SLC49A4: variants seen among roughly 807,000 people sequenced by gnomAD.
The protein encoded by SLC49A4 is disrupted in renal cancer protein 2.
SLC49A4 carries 36 observed loss-of-function variants against 50.6 expected under a neutral mutation model. The ratio of observed to expected loss-of-function variants is 0.71; its 90% CI spans 0.55 to 0.94. The LOEUF (loss-of-function observed/expected upper bound fraction) is 0.94, where lower values mean the gene tolerates loss of function less well. Among genes scored for constraint, SLC49A4 ranks in the 40% least tolerant of loss-of-function variants. The pLI, the probability that SLC49A4 is intolerant of heterozygous loss-of-function variation, is 0.00. For synonymous variants in SLC49A4, 248 were observed against 241.2 expected, an observed-to-expected ratio of 1.03 and a Z score of -0.26; for missense variants, 503 against 605.7, an observed-to-expected ratio of 0.83 and a Z score of 1.78.
chr3:122,847,887 C>T (rs1424051422), intron 5 of SLC49A4, among the ~76,000 whole-genome samples: 1 of 152,178 alleles, frequency 6.6e-6, no homozygotes, highest in East Asian at 1.9e-4. Context: ...TTATCTTGTA[C>T]AACTGTGTCA....
intron 1 of SLC49A4, among the ~76,000 whole-genome samples, chr3:122,798,330 T>C (rs1372966950): frequency 6.6e-6 from 1 of 152,200 alleles, no homozygotes. Context: ...ACCCTTCTTA[T>C]TATAATTGTA....
Position 122,880,172 on chromosome 3 carries a change from C to G in SLC49A4, c.*794C>G, listed in dbSNP as rs1243317663. 2.0e-5 allele frequency: 3 copies of G among 152,170 alleles called. No homozygotes were observed. The highest frequency in any genetic ancestry group is 7.2e-5 in the African/African-American group (3 of 41,430). 9.4% of individuals were successfully genotyped at this position (152,170 alleles called of 1,614,324 possible). ...CTTTGTTACAAGTGAAATGACAAGT[C>G]ACATGGACATACTGTGTCTTCTGCC... On this transcript the variant is annotated 3_prime_UTR_variant, in exon 9 of 9. Transcript: ENST00000261038.
intron 4 of SLC49A4, among the ~76,000 whole-genome samples, chr3:122,842,915 C>G (rs1445679763): frequency 6.6e-6 from 1 of 152,200 alleles, no homozygotes; most frequent in Non-Finnish European, 1.5e-5. Flanking sequence ...CCCTTCCTAC[C>G]AGTGTAATTA....
intron 4 of SLC49A4, among the ~76,000 whole-genome samples, chr3:122,837,912 C>G (rs1003434137): frequency 9.9e-5 from 15 of 152,284 alleles, no homozygotes; most frequent in African/African-American, 3.6e-4. Context: ...TGAACAGACA[C>G]TTCTCAAAAG....
intron 7 of SLC49A4, among the ~76,000 whole-genome samples, chr3:122,863,116 G>A (rs1213950621): frequency 1.3e-5 from 2 of 152,180 alleles, no homozygotes; most frequent in African/African-American, 2.4e-5. Context: ...TCAATTGCAA[G>A]TAAGTTTTTG....
chr3:122,854,409 A>G (rs1936960468), intron 5 of SLC49A4, among the ~76,000 whole-genome samples: 1 of 152,244 alleles, frequency 6.6e-6, no homozygotes. Flanking sequence ...TTCACATTGC[A>G]ATCTGGGACA....
intron 3 of SLC49A4, among the ~76,000 whole-genome samples, chr3:122,827,888 G>C (rs1356420739): frequency 6.6e-6 from 1 of 152,216 alleles, no homozygotes; most frequent in African/African-American, 2.4e-5. Context: ...AATAATTAAA[G>C]TTAAGAATTT....
intron 4 of SLC49A4, among the ~76,000 whole-genome samples, 200 bp from the exon 5 acceptor site, chr3:122,845,563 A>G (rs934967657): frequency 2.0e-5 from 3 of 149,574 alleles, no homozygotes; most frequent in Admixed American, 6.7e-5. Context: ...CACTTCAACC[A>G]GCAGTATATA....
chr3:122,832,628 T>C (rs982060245), intron 3 of SLC49A4, among the ~76,000 whole-genome samples: 3 of 152,160 alleles, frequency 2.0e-5, no homozygotes, highest in Non-Finnish European at 2.9e-5. Context: ...ATGCCACACT[T>C]ATTAGACAAT....
chr3:122,855,586 G>A (rs138837692), intron 5 of SLC49A4, among the ~76,000 whole-genome samples: 2 of 152,190 alleles, frequency 1.3e-5, no homozygotes, highest in African/African-American at 2.4e-5. Context: ...AATGTAGGCA[G>A]CATTCGTAGA....
At chr3:122,842,442 C>T (rs1315753069) in intron 4 of SLC49A4, among the ~76,000 whole-genome samples, 5 of 131,970 alleles carry the variant, frequency 3.8e-5, no homozygotes, top group African/African-American at 1.2e-4. Context: ...GCCGAGATCG[C>T]GCCACTGCAC....
chr3:122,850,104 A>T (rs1306956143), intron 5 of SLC49A4, among the ~76,000 whole-genome samples: 5 of 152,194 alleles, frequency 3.3e-5, no homozygotes, highest in African/African-American at 9.7e-5. Flanking sequence ...CTGTTCTTGG[A>T]GTTATTTCTA....
At position 122,795,163 on chromosome 3, in the gene SLC49A4, C is replaced by G; in HGVS notation, c.-30C>G. On this transcript the variant is annotated 5_prime_UTR_variant, in exon 1 of 9. Transcript: ENST00000261038. ...AGTCGGCGGTGACCCGGACTGCGCC[C>G]GGCAGTGGCTTCGCGGGCGACGCGT... is the stretch of plus-strand genomic sequence containing the variant. 4 of 1,313,586 alleles carry G rather than the reference C, an allele frequency of 3.0e-6. No homozygotes were observed. Among genetic ancestry groups the G allele is most frequent in the Non-Finnish European group, 3.8e-6 (4 of 1,040,674 alleles). The allele number at this position is 1,313,586 out of a possible 1,614,324, so 81.4% of individuals were successfully genotyped here.
chr3:122,832,464 C>T (rs1936620459), intron 3 of SLC49A4, among the ~76,000 whole-genome samples: 1 of 152,090 alleles, frequency 6.6e-6, no homozygotes, highest in South Asian at 2.1e-4. Flanking sequence ...AATTCTATTC[C>T]CTGTCTCTTG....
chr3:122,847,350 ATTTT>A (rs56148238), intron 5 of SLC49A4, among the ~76,000 whole-genome samples: 5 of 139,208 alleles, frequency 3.6e-5, no homozygotes, highest in Non-Finnish European at 7.7e-5. Context: ...ACAGTGTACA[ATTTT>A]TTTTTTTTTT....
intron 4 of SLC49A4, among the ~76,000 whole-genome samples, chr3:122,835,304 G>T (rs772246329): frequency 6.6e-6 from 1 of 151,926 alleles, no homozygotes; most frequent in South Asian, 2.1e-4. Flanking sequence ...TACCAAAACC[G>T]GAAAAAGACA....
intron 5 of SLC49A4, among the ~76,000 whole-genome samples, chr3:122,852,222 C>T (rs1936935917): frequency 6.6e-6 from 1 of 152,102 alleles, no homozygotes. Flanking sequence ...AAACTCCTGA[C>T]CTCAGGTGAT....
chr3:122,843,389 A>G (rs909548417), intron 4 of SLC49A4, among the ~76,000 whole-genome samples: 6 of 152,192 alleles, frequency 3.9e-5, no homozygotes, highest in Non-Finnish European at 7.3e-5. Context: ...CAAATCCCAG[A>G]TGACAACTCC....
intron 4 of SLC49A4, among the ~76,000 whole-genome samples, chr3:122,838,437 T>C (rs1376534114): frequency 6.6e-6 from 1 of 151,446 alleles, no homozygotes; most frequent in Non-Finnish European, 1.5e-5. Context: ...ACCATCATTC[T>C]CAGCAAACTG....
Sources: allele counts gnomAD v4.1 joint callset (sites outside exome capture counted in the v4.1 genomes callset), GRCh38; gene constraint gnomAD v4.1.1; transcripts MANE v1.5; gene names NCBI Gene and HGNC (gene_info 2026-07-23, HGNC 2026-07-21).